Variants in GRID1 observed in about 807,000 individuals in gnomAD.
GRID1 encodes glutamate ionotropic receptor delta type subunit 1.
GRID1 carries 28 observed loss-of-function variants against 98.0 expected under a neutral mutation model. The ratio of observed to expected loss-of-function variants is 0.29; its 90% CI spans 0.21 to 0.39. GRID1 has a LOEUF of 0.39. Among genes scored for constraint, GRID1 ranks in the 10% least tolerant of loss-of-function variants. GRID1 has a pLI of 1.00. For synonymous variants in GRID1, 553 were observed against 538.5 expected (o/e 1.03, Z -0.37); for missense variants, 1,111 against 1,340.5 (o/e 0.83, Z 2.67).
chr10:85,805,673 A>C (rs1448174472), intron 8 of GRID1, among the ~76,000 whole-genome samples: 1 of 151,944 alleles, frequency 6.6e-6, no homozygotes, highest in African/African-American at 2.4e-5. Flanking sequence ...GTCTGGAAAA[A>C]GATCCACATA....
intron 4 of GRID1, among the ~76,000 whole-genome samples, chr10:86,044,823 T>A (rs927248938): frequency 6.6e-6 from 1 of 151,738 alleles, no homozygotes; most frequent in Non-Finnish European, 1.5e-5. Flanking sequence ...TTGCAGGTTA[T>A]CTCATACAGG....
At position 85,982,817 on chromosome 10, in the gene GRID1, T is replaced by C. The variant is rs1842562183; in HGVS notation, c.727-66578A>G. Among the ~76,000 whole-genome samples, 3 of 152,160 alleles carry C rather than the reference T, an allele frequency of 2.0e-5. No homozygotes were observed. The South Asian group carries it at 6.2e-4, about 32-fold the overall frequency. ...TTTTGGGAAGAACTTTTTCCCTAAGTGGCTATTGTCACTGAAAAAGAAACT... is the reference window on the plus strand; with the variant it reads ...TTTTGGGAAGAACTTTTTCCCTAAGCGGCTATTGTCACTGAAAAAGAAACT... On this transcript the variant is annotated intron_variant, in intron 4 of 15. Coordinates refer to ENST00000327946, the MANE Select transcript of GRID1 (RefSeq NM_017551.3).
At position 85,964,522 on chromosome 10, in the gene GRID1, C is replaced by G. The variant is rs576536628; in HGVS notation, c.727-48283G>C. ...ACCATCTAATCTTTGACAAACCTGA[C>G]AAAAACAAGCAATGGGGAAAGGATT... On this transcript the variant is annotated intron_variant, in intron 4 of 15. Transcript: ENST00000327946. Among the ~76,000 whole-genome samples, 97 of 152,206 alleles carry G rather than the reference C, an allele frequency of 6.4e-4. No individual in the cohort carries two copies. In the South Asian group the frequency reaches 0.012, roughly 19 times the overall value.
intron 12 of GRID1, among the ~76,000 whole-genome samples, chr10:85,690,939 G>A (rs1208539067): frequency 6.6e-6 from 1 of 152,096 alleles, no homozygotes; most frequent in Non-Finnish European, 1.5e-5. Flanking sequence ...TCTGGAAGCA[G>A]GCTTTTACAA....
rs548973113 is a variant in GRID1 at position 85,626,699 on chromosome 10, T to A, written c.2194-6666A>T. On this transcript the variant is annotated intron_variant, in intron 13 of 15. Transcript: ENST00000327946. ...CAAGTCTTAGTTCCTATAGTCACGT[T>A]CATTCAATGGCAACACATTACCACA... 6.2e-4 allele frequency among the ~76,000 whole-genome samples: 94 copies of A among 152,294 alleles called. 2 individuals carry two copies. In the South Asian group the frequency reaches 0.019, roughly 31 times the overall value.
intron 4 of GRID1, among the ~76,000 whole-genome samples, chr10:86,095,882 A>G (rs1844214659): frequency 6.6e-6 from 1 of 152,200 alleles, no homozygotes; most frequent in Non-Finnish European, 1.5e-5. Flanking sequence ...AGAAGAAAAG[A>G]AGTCATTACT....
chr10:85,654,642 C>G (rs1840872774), intron 12 of GRID1, among the ~76,000 whole-genome samples: 1 of 152,166 alleles, frequency 6.6e-6, no homozygotes, highest in African/African-American at 2.4e-5. Context: ...AACACCCTGT[C>G]CACCAGCCAT....
At chr10:86,043,411 T>C (rs1843375124) in intron 4 of GRID1, among the ~76,000 whole-genome samples, 4 of 152,190 alleles carry the variant, frequency 2.6e-5, no homozygotes, top group African/African-American at 7.2e-5. Flanking sequence ...GAGCTGCACC[T>C]GGAGGAAGCC....
At chr10:85,970,740 C>T (rs1322840459) in intron 4 of GRID1, among the ~76,000 whole-genome samples, 1 of 152,026 alleles carries the variant, frequency 6.6e-6, no homozygotes. Flanking sequence ...TGATGAAAGA[C>T]TCAATGTTTT....
rs1326468640 is a variant in GRID1, at chr10:85,854,609, T to C, written c.1120A>G (p.Ile374Val). ...TCCATCACCCCAGTGAGGCCAGTGA[T>C]GTGGCCCTGCAGAAGAGGAGAAAAA... is the stretch of plus-strand genomic sequence containing the variant. ...SMLDTIKKGH[I>V]TGLTGVMEFR... is the part of the protein sequence containing the mutation. The change falls in exon 8 of 16, where the codon ATC becomes GTC. Residue 374 changes from isoleucine (I) to valine (V), a missense_variant. Ile to Val is a conservative substitution (Grantham distance 29). Around this residue, in one of 3 missense-constraint regions of GRID1, gnomAD observed 762 missense variants for 869.1 expected, o/e 0.88. Transcript: ENST00000327946. 6.2e-7 allele frequency: 1 copy of C among 1,614,042 alleles called. No homozygotes were observed. The highest frequency in any genetic ancestry group is 8.5e-7 in the Non-Finnish European group (1 of 1,179,920).
At chr10:85,699,884 T>A (rs1016322675) in intron 12 of GRID1, among the ~76,000 whole-genome samples, 1 of 152,248 alleles carries the variant, frequency 6.6e-6, no homozygotes, top group Non-Finnish European at 1.5e-5. Context: ...ATGTGATGTT[T>A]CCAGTGAAAA....
intron 4 of GRID1, among the ~76,000 whole-genome samples, chr10:86,052,202 AC>A (rs1407943839): frequency 6.6e-6 from 1 of 152,186 alleles, no homozygotes; most frequent in Non-Finnish European, 1.5e-5. Context: ...TACATAGCAT[AC>A]CTGTATTTGC....
intron 4 of GRID1, among the ~76,000 whole-genome samples, chr10:85,940,634 C>T (rs909382648): frequency 2.6e-5 from 4 of 152,202 alleles, no homozygotes; most frequent in Non-Finnish European, 5.9e-5. Context: ...AACCCAGTTA[C>T]TGCTTCCATA....
intron 2 of GRID1, among the ~76,000 whole-genome samples, chr10:86,226,882 C>A (rs1403142874): frequency 6.6e-6 from 1 of 151,996 alleles, no homozygotes; most frequent in Non-Finnish European, 1.5e-5. Flanking sequence ...TGCCAAAGGC[C>A]ACCTGGAGAC....
intron 2 of GRID1, among the ~76,000 whole-genome samples, chr10:86,299,197 C>T (rs76725930): frequency 1.2e-4 from 17 of 141,754 alleles, no homozygotes; most frequent in Middle Eastern, 3.6e-3. Flanking sequence ...AATAAGATTT[C>T]TTTTTTTTTT....
At position 85,886,122 on chromosome 10, in the gene GRID1, T is replaced by C. The variant is rs578161293; in HGVS notation, c.781-16942A>G. 1.2e-4 allele frequency among the ~76,000 whole-genome samples: 18 copies of C among 152,322 alleles called. 1 individual carries two copies. The highest frequency in any genetic ancestry group is 4.1e-4 in the African/African-American group (17 of 41,584). Reference sequence around the variant, plus strand: ...TTGTCCCAGTTTTAAGAGACAGCCATGGCCCCACTTCTGGTTGTTGAGACA... The same window carrying C: ...TTGTCCCAGTTTTAAGAGACAGCCACGGCCCCACTTCTGGTTGTTGAGACA... On this transcript the variant is annotated intron_variant, in intron 5 of 15. Transcript: ENST00000327946.
chr10:86,122,653 A>G (rs560502340), intron 4 of GRID1, among the ~76,000 whole-genome samples: 1 of 152,360 alleles, frequency 6.6e-6, no homozygotes, highest in South Asian at 2.1e-4. Flanking sequence ...CCCCTCATAG[A>G]AAGAAACAGT....
chr10:86,298,935 G>A (rs570179344), intron 2 of GRID1, among the ~76,000 whole-genome samples: 2 of 152,326 alleles, frequency 1.3e-5, no homozygotes, highest in East Asian at 1.9e-4. Context: ...CGTGAGGAAG[G>A]AGTGGACAGC....
chr10:85,728,400 C>G (rs1324211936), intron 9 of GRID1, among the ~76,000 whole-genome samples: 3 of 152,112 alleles, frequency 2.0e-5, no homozygotes, highest in Non-Finnish European at 4.4e-5. Flanking sequence ...TTAGAATATG[C>G]CAAAATTATA....
Sources: gnomAD v4.1 joint callset for allele counts (sites outside exome capture counted in the v4.1 genomes callset) on GRCh38, gnomAD v4.1.1 for gene constraint, gnomAD v4.1.1 regional missense constraint, MANE v1.5 for transcripts, NCBI Gene and HGNC (gene_info 2026-07-23, HGNC 2026-07-21) for gene names.